The following NCALD variants were observed in gnomAD, a reference collection of about 807,000 sequenced individuals.
NCALD encodes neurocalcin-delta.
A neutral mutation model predicts 18.6 loss-of-function variants in NCALD; 10 were observed. The ratio of observed to expected loss-of-function variants is 0.54; its 90% CI spans 0.33 to 0.91. The LOEUF (loss-of-function observed/expected upper bound fraction) is 0.91. NCALD is among the 40% of genes least tolerant of loss of function. The probability of loss-of-function intolerance (pLI) is 0.03; values close to 1 mark genes in which losing one functional copy is unlikely to be tolerated. For missense variants in NCALD, 184 were observed against 247.6 expected, an observed-to-expected ratio of 0.74 and a Z score of 1.72; for synonymous variants, 88 against 87.4, an observed-to-expected ratio of 1.01 and a Z score of -0.04.
rs111291580 is a variant in NCALD at position 101,815,677 on chromosome 8, A to G, written c.-20+71464T>C. ...TGCTGGTGAGAATGTGGAGCAACAG[A>G]AACTCTCATTCACTGCTGGAATGCA... On this transcript the variant is annotated intron_variant, in intron 4 of 6. Transcript: ENST00000311028. Among the ~76,000 whole-genome samples, 871 of 152,294 alleles carry G rather than the reference A, an allele frequency of 5.7e-3. 11 individuals carry two copies. Among genetic ancestry groups the G allele is most frequent in the African/African-American group, 0.018 (765 of 41,566 alleles).
intron 1 of NCALD, among the ~76,000 whole-genome samples, chr8:102,062,358 A>T (rs1011923750): frequency 2.0e-5 from 3 of 152,214 alleles, no homozygotes; most frequent in African/African-American, 7.2e-5. Context: ...AAAAAAGGAA[A>T]AATAAAGCTT....
At chr8:101,740,450 A>G (rs923629620) in intron 1 of NCALD, among the ~76,000 whole-genome samples, 1 of 152,236 alleles carries the variant, frequency 6.6e-6, no homozygotes, top group Non-Finnish European at 1.5e-5. Context: ...TGTATAGCCA[A>G]TAAGTACCCA....
intron 1 of NCALD, among the ~76,000 whole-genome samples, chr8:102,121,626 A>C (rs1202498359): frequency 6.6e-6 from 1 of 152,172 alleles, no homozygotes; most frequent in Non-Finnish European, 1.5e-5. Flanking sequence ...CCTTTCAAAA[A>C]ATTGGACCTC....
At chr8:101,748,239 A>AT (rs1810507630) in intron 1 of NCALD, among the ~76,000 whole-genome samples, 1 of 152,320 alleles carries the variant, frequency 6.6e-6, no homozygotes, top group South Asian at 2.1e-4. Flanking sequence ...AAACAGATTT[A>AT]TAAAAATGGT....
intron 1 of NCALD, among the ~76,000 whole-genome samples, chr8:102,121,859 T>C (rs1825955001): frequency 6.6e-6 from 1 of 152,226 alleles, no homozygotes. Context: ...TCGTAGAGTG[T>C]TAGATATAAA....
intron 1 of NCALD, among the ~76,000 whole-genome samples, chr8:102,093,252 G>A (rs1037396537): frequency 1.3e-5 from 2 of 152,090 alleles, no homozygotes; most frequent in African/African-American, 4.8e-5. Context: ...GCTCTACAAA[G>A]AACTACTCTT....
chr8:101,756,855 A>C (rs182326907), intron 1 of NCALD, among the ~76,000 whole-genome samples: 9 of 152,210 alleles, frequency 5.9e-5, no homozygotes, highest in African/African-American at 1.9e-4. Flanking sequence ...TATGCAGTAC[A>C]TAAGGAATTG....
At chr8:102,032,465 A>G (rs1313747915) in intron 1 of NCALD, among the ~76,000 whole-genome samples, 1 of 144,288 alleles carries the variant, frequency 6.9e-6, no homozygotes, top group African/African-American at 2.9e-5. Flanking sequence ...TAGAGAGAAA[A>G]TCCTCCCAGT....
intron 2 of NCALD, among the ~76,000 whole-genome samples, chr8:102,004,562 G>T (rs1381004571): frequency 2.0e-5 from 3 of 152,010 alleles, no homozygotes; most frequent in Non-Finnish European, 4.4e-5. Flanking sequence ...AAAAGAGCCC[G>T]CATCGCCAAG....
chr8:102,073,667 C>A (rs1004881691), intron 1 of NCALD, among the ~76,000 whole-genome samples: 6 of 152,168 alleles, frequency 3.9e-5, no homozygotes, highest in Non-Finnish European at 8.8e-5. Context: ...GCTGCTGGCA[C>A]ATCTCCTAAA....
chr8:101,750,886 T>C (rs1044381636), intron 1 of NCALD, among the ~76,000 whole-genome samples: 2 of 152,220 alleles, frequency 1.3e-5, no homozygotes, highest in South Asian at 4.1e-4. Flanking sequence ...CCACCTCTGA[T>C]GACATGCCTT....
At chr8:102,023,767 C>T (rs139175464) in intron 1 of NCALD, among the ~76,000 whole-genome samples, 15 of 152,314 alleles carry the variant, frequency 9.8e-5, no homozygotes, top group Non-Finnish European at 1.5e-4. Context: ...TATCAGCCAA[C>T]CAGGGCTCTA....
At chr8:101,698,738 T>A (rs966824234) in intron 2 of NCALD, among the ~76,000 whole-genome samples, 6 of 152,154 alleles carry the variant, frequency 3.9e-5, no homozygotes, top group Non-Finnish European at 7.3e-5. Flanking sequence ...TGCAGAAAAC[T>A]GAAACTGCAC....
intron 4 of NCALD, among the ~76,000 whole-genome samples, chr8:101,870,215 C>T (rs1815946370): frequency 6.6e-6 from 1 of 152,136 alleles, no homozygotes; most frequent in Non-Finnish European, 1.5e-5. Context: ...AATATAATGA[C>T]TTCAATAGTC....
At chr8:101,762,359 C>T (rs968736965) in intron 1 of NCALD, among the ~76,000 whole-genome samples, 1 of 151,972 alleles carries the variant, frequency 6.6e-6, no homozygotes, top group South Asian at 2.1e-4. Context: ...ACTGTAAGTT[C>T]CTTATAAAGG....
chr8:102,020,843 C>T (rs765513876), intron 1 of NCALD, among the ~76,000 whole-genome samples: 8 of 152,158 alleles, frequency 5.3e-5, no homozygotes, highest in Non-Finnish European at 1.0e-4. Context: ...GTACCATTGC[C>T]TGAGCTCCAG....
chr8:101,856,664 T>C (rs1047203002), intron 4 of NCALD, among the ~76,000 whole-genome samples: 4 of 152,188 alleles, frequency 2.6e-5, no homozygotes, highest in African/African-American at 7.2e-5. Flanking sequence ...ATATCCTCTA[T>C]GGTAGAAAAT....
At chr8:101,953,816 G>A (rs1819522126) in intron 2 of NCALD, among the ~76,000 whole-genome samples, 1 of 152,268 alleles carries the variant, frequency 6.6e-6, no homozygotes, top group South Asian at 2.1e-4. Flanking sequence ...AGGGGGTAAT[G>A]GGAATTCCCA....
At chr8:102,116,162 A>G (rs1825778263) in intron 1 of NCALD, among the ~76,000 whole-genome samples, 1 of 152,186 alleles carries the variant, frequency 6.6e-6, no homozygotes, top group Non-Finnish European at 1.5e-5. Context: ...AATGTAAATG[A>G]TGAGTTAATG....
Sources: allele counts gnomAD v4.1 joint callset (sites outside exome capture counted in the v4.1 genomes callset), GRCh38; gene constraint gnomAD v4.1.1; transcripts MANE v1.5; gene names NCBI Gene and HGNC (gene_info 2026-07-23, HGNC 2026-07-21).